Variants in REPS2 observed in about 807,000 individuals in gnomAD.
The protein encoded by REPS2 is RALBP1 associated Eps domain containing 2.
A neutral mutation model predicts 53.6 loss-of-function variants in REPS2; 23 were observed. The observed-to-expected ratio is 0.43, with a 90% CI of 0.31 to 0.61. REPS2 has a LOEUF of 0.61. REPS2 is among the 20% of genes least tolerant of loss of function. The pLI is 0.11. For missense variants in REPS2, 446 were observed against 534.9 expected (o/e 0.83, Z 1.64); for synonymous variants, 238 against 218.6 (o/e 1.09, Z -0.78).
At chrX:16,965,389 C>G (rs866079384) in intron 1 of REPS2, among the ~76,000 whole-genome samples, 36 of 112,127 alleles carry the variant, frequency 3.2e-4, no homozygotes, top group African/African-American at 1.1e-3. Flanking sequence ...CCCTCCCGGA[C>G]GAGGTGGCTG....
chrX:17,157,707 C>T (rs954941571), downstream of REPS2, among the ~76,000 whole-genome samples: 1 of 112,097 alleles, frequency 8.9e-6, no homozygotes, highest in Non-Finnish European at 1.9e-5. Context: ...ACAGAAGAGC[C>T]CTCAGCCTTC....
intron 13 of REPS2, among the ~76,000 whole-genome samples, chrX:17,101,405 A>G (rs1300615863): frequency 1.8e-5 from 2 of 110,993 alleles, no homozygotes; most frequent in African/African-American, 6.6e-5. Context: ...TGAACAACGG[A>G]CACATACCTG....
Position 17,062,474 on chromosome X carries a change from A to T in REPS2, c.1151A>T (p.Asp384Val). 8.3e-7 allele frequency: 1 copy of T among 1,205,226 alleles called. No individual in the cohort carries two copies. The highest frequency in any genetic ancestry group is 1.8e-5 in the South Asian group (1 of 55,032). Residue 384 changes from aspartate to valine, a missense_variant, in exon 9 of 18, where the codon GAT (aspartate) becomes GTT (valine). Transcript: ENST00000357277. ...CCCAAATGGGACTGTCAATTATTTG[A>T]TTCTTATTCTGAGTCACTGCCGGCA... is the stretch of plus-strand genomic sequence containing the variant. ...PKPKWDCQLF[D>V]SYSESLPANQ...
intron 13 of REPS2, among the ~76,000 whole-genome samples, chrX:17,082,124 G>A (rs1351921199): frequency 8.9e-6 from 1 of 111,978 alleles, no homozygotes; most frequent in East Asian, 2.8e-4. Context: ...TCTTCTCAAA[G>A]CCATGCCTGA....
At chrX:17,020,324 G>GT (rs1182228407) in intron 2 of REPS2, among the ~76,000 whole-genome samples, 4 of 112,250 alleles carry the variant, frequency 3.6e-5, no homozygotes, top group Non-Finnish European at 5.6e-5. Context: ...CTTGGAAGTA[G>GT]AGTCATCCTC....
Position 17,149,207 on chromosome X carries a change from T to G in REPS2, c.*1726T>G, listed in dbSNP as rs1193011981. On this transcript the variant is annotated 3_prime_UTR_variant, in exon 18 of 18. Coordinates refer to ENST00000357277, the MANE Select transcript of REPS2 (RefSeq NM_004726.3). ...TGTGGGGGAAGGGTTGGGAGTAAGT[T>G]TAAACTCTTCCGAAGATTATGAATG... The G allele has an allele frequency of 1.7e-5, 4 of 228,730 alleles. No individual in the cohort carries two copies. The highest frequency in any genetic ancestry group is 3.2e-5 in the Non-Finnish European group (4 of 123,750). The allele number at this position is 228,730 out of a possible 1,213,427, so 18.8% of individuals were successfully genotyped here. A position where few individuals can be genotyped will look rare whatever the true frequency, so the allele number is the denominator to read the frequency against.
chrX:17,131,541 AG>A (rs1490109571), intron 14 of REPS2, among the ~76,000 whole-genome samples: 1 of 111,997 alleles, frequency 8.9e-6, no homozygotes, highest in Non-Finnish European at 1.9e-5. Context: ...TCTGTGGGTC[AG>A]TAGATGACTG....
At chrX:17,037,950 C>G (rs966943820) in intron 5 of REPS2, among the ~76,000 whole-genome samples, 7 of 111,968 alleles carry the variant, frequency 6.3e-5, no homozygotes, top group Non-Finnish European at 1.3e-4. Flanking sequence ...TCACTACTGA[C>G]TGAGGTGCTT....
chrX:17,102,389 T>A (rs961037517), intron 13 of REPS2, among the ~76,000 whole-genome samples: 2 of 111,955 alleles, frequency 1.8e-5, no homozygotes, highest in African/African-American at 6.5e-5. Flanking sequence ...CTTGTTTCAT[T>A]TGTTTTGAAA....
intron 1 of REPS2, among the ~76,000 whole-genome samples, chrX:16,965,238 C>T (rs1439090118): frequency 4.4e-4 from 40 of 91,050 alleles, no homozygotes; most frequent in African/African-American, 1.3e-3. Context: ...CCTCACTTCC[C>T]GGACGGGGCG....
chrX:16,958,603 C>G (rs1008302423), intron 1 of REPS2, among the ~76,000 whole-genome samples: 2 of 111,950 alleles, frequency 1.8e-5, no homozygotes, highest in African/African-American at 6.5e-5. Flanking sequence ...GAACAATAGT[C>G]ATGAAAGAAT....
intron 14 of REPS2, among the ~76,000 whole-genome samples, chrX:17,117,020 T>A (rs2063064669): frequency 8.9e-6 from 1 of 112,012 alleles, no homozygotes; most frequent in South Asian, 3.7e-4. Context: ...TTCTTATACT[T>A]GAAATACAGT....
intron 13 of REPS2, chrX:17,100,188 C>A: frequency 1.6e-6 from 1 of 615,677 alleles, no homozygotes; most frequent in South Asian, 2.4e-5. Context: ...TCTGAGAATC[C>A]CTTCCACTTT....
chrX:17,105,792 A>G (rs1019133085), intron 14 of REPS2, among the ~76,000 whole-genome samples: 1 of 112,318 alleles, frequency 8.9e-6, no homozygotes, highest in African/African-American at 3.2e-5. Flanking sequence ...ATATTCAGAT[A>G]TATGAAGTCC....
the REPS2 span, among the ~76,000 whole-genome samples, chrX:17,195,979 G>A: frequency 2.8e-4 from 31 of 111,938 alleles, no homozygotes; most frequent in African/African-American, 8.1e-4. Flanking sequence ...TTTTAGATGC[G>A]AGGATAATGT....
intron 17 of REPS2, among the ~76,000 whole-genome samples, chrX:17,140,190 G>A (rs1228824757): frequency 3.6e-5 from 4 of 110,836 alleles, no homozygotes; most frequent in African/African-American, 9.9e-5. Flanking sequence ...AGTTGGCTTC[G>A]TCCTCCTCCA....
chrX:17,107,525 ATTC>A (rs1470955106), intron 14 of REPS2, among the ~76,000 whole-genome samples: 1 of 112,482 alleles, frequency 8.9e-6, no homozygotes, highest in Non-Finnish European at 1.9e-5. Context: ...AAAAGCATAT[ATTC>A]TTTTATCAAA....
intron 1 of REPS2, among the ~76,000 whole-genome samples, chrX:16,993,027 T>C (rs1359994325): frequency 8.9e-6 from 1 of 112,191 alleles, no homozygotes; most frequent in Non-Finnish European, 1.9e-5. Context: ...TATACATGAC[T>C]ATAGTCCATG....
chrX:17,103,979 C>T (rs714070), intron 14 of REPS2, among the ~76,000 whole-genome samples, 200 bp downstream of exon 14: 45,343 of 109,798 alleles, frequency 0.41, 6,942 homozygotes, highest in Middle Eastern at 0.57. Context: ...AGAAAGTTTC[C>T]TCAATAAGCC....
Sources: gnomAD v4.1 joint callset for allele counts (sites outside exome capture counted in the v4.1 genomes callset) on GRCh38, gnomAD v4.1.1 for gene constraint, MANE v1.5 for transcripts, NCBI Gene and HGNC (gene_info 2026-07-23, HGNC 2026-07-21) for gene names.